The following ZBTB20 variants were observed in gnomAD, a reference collection of about 807,000 sequenced individuals.
ZBTB20 encodes the protein zinc finger and BTB domain-containing protein 20.
In ZBTB20, 9 loss-of-function variants were observed where a neutral mutation model predicts 56.9. That is an observed-to-expected ratio of 0.16 (90% CI 0.10 to 0.28). ZBTB20 has a LOEUF of 0.28. Ranked by LOEUF, ZBTB20 falls within the 10% of genes least tolerant of loss-of-function variation. The pLI is 1.00. For missense variants in ZBTB20, 655 were observed against 1,003.0 expected, an observed-to-expected ratio of 0.65 and a Z score of 4.69; for synonymous variants, 417 against 420.7, an observed-to-expected ratio of 0.99 and a Z score of 0.11.
At chr3:114,766,755 T>C (rs1003031545) in intron 5 of ZBTB20, among the ~76,000 whole-genome samples, 2 of 152,104 alleles carry the variant, frequency 1.3e-5, no homozygotes, top group Non-Finnish European at 2.9e-5. Flanking sequence ...AGAAGAAAGA[T>C]CTACTTGACT....
At chr3:115,110,350 T>C (rs1003441422) in intron 1 of ZBTB20, among the ~76,000 whole-genome samples, 1 of 152,168 alleles carries the variant, frequency 6.6e-6, no homozygotes, top group Admixed American at 6.5e-5. Flanking sequence ...TCAAAATAGG[T>C]AGAAATGGTA....
rs151216667 is a variant in ZBTB20, at chr3:114,820,748, G to T, written c.-416-19574C>A. ...CATCTATTGAGATATTGAGATACTT[G>T]ACTTTTTTTTAGTGCTGAAGAACAC... On this transcript the variant is annotated intron_variant, in intron 4 of 11. Coordinates refer to ENST00000675478, the MANE Select transcript of ZBTB20 (RefSeq NM_001348800.3). 3.4e-3 allele frequency among the ~76,000 whole-genome samples: 522 copies of T among 152,040 alleles called. 3 individuals carry two copies. The highest frequency in any genetic ancestry group is 0.012 in the African/African-American group (500 of 41,500).
chr3:114,443,152 A>C (rs1289354997), intron 7 of ZBTB20, among the ~76,000 whole-genome samples: 1 of 152,138 alleles, frequency 6.6e-6, no homozygotes, highest in African/African-American at 2.4e-5. Context: ...TTCAACACAG[A>C]TTCAGGTGCT....
At chr3:114,638,375 T>C (rs1413285356) in intron 6 of ZBTB20, among the ~76,000 whole-genome samples, 2 of 152,106 alleles carry the variant, frequency 1.3e-5, no homozygotes, top group African/African-American at 2.4e-5. Context: ...GACTTTATCA[T>C]ATACCAGGAA....
At chr3:115,035,468 T>C (rs2080874880) in intron 2 of ZBTB20, among the ~76,000 whole-genome samples, 1 of 151,960 alleles carries the variant, frequency 6.6e-6, no homozygotes, top group African/African-American at 2.4e-5. Context: ...ATGTTCAACA[T>C]GACTAATCAT....
chr3:114,742,215 G>A (rs955749812), intron 5 of ZBTB20, among the ~76,000 whole-genome samples: 4 of 152,066 alleles, frequency 2.6e-5, no homozygotes, highest in African/African-American at 9.7e-5. Flanking sequence ...GTGGGAAGGG[G>A]GAGGGCAGAG....
At chr3:114,844,558 A>G (rs145198907) in intron 4 of ZBTB20, among the ~76,000 whole-genome samples, 1 of 135,416 alleles carries the variant, frequency 7.4e-6, no homozygotes, top group East Asian at 2.2e-4. Context: ...AAAAACTTTC[A>G]TTTCTCTTGT....
chr3:114,338,909 C>A lies in ZBTB20; in HGVS notation c.*96G>T. 3 of 1,382,214 alleles carry A rather than the reference C, an allele frequency of 2.2e-6. No homozygotes were observed. Among genetic ancestry groups the A allele is most frequent in the East Asian group, 2.4e-5 (1 of 41,916 alleles). 85.6% of individuals were successfully genotyped at this position (1,382,214 alleles called of 1,614,324 possible). A position where few individuals can be genotyped will look rare whatever the true frequency, so the allele number is the denominator to read the frequency against. Reference sequence around the variant, plus strand: ...CAAAAACAGAAAGTAAAAATGAAACCAAAACATTTCTTAAATTCTAGTGCC... The same window carrying A: ...CAAAAACAGAAAGTAAAAATGAAACAAAAACATTTCTTAAATTCTAGTGCC... On this transcript the variant is annotated 3_prime_UTR_variant, in exon 12 of 12. Transcript: ENST00000675478.
At chr3:114,794,569 G>A (rs2071207228) in intron 5 of ZBTB20, among the ~76,000 whole-genome samples, 1 of 152,038 alleles carries the variant, frequency 6.6e-6, no homozygotes, top group South Asian at 2.1e-4. Context: ...AACATTTTCT[G>A]GTTCCAGGGT....
chr3:114,867,662 T>C (rs570512881), intron 4 of ZBTB20, among the ~76,000 whole-genome samples: 20 of 152,238 alleles, frequency 1.3e-4, no homozygotes, highest in African/African-American at 4.6e-4. Context: ...CTCAAACTCC[T>C]GGCCTCAAGT....
chr3:114,893,791 G>C (rs1476992876), intron 4 of ZBTB20, among the ~76,000 whole-genome samples: 1 of 152,146 alleles, frequency 6.6e-6, no homozygotes, highest in African/African-American at 2.4e-5. Context: ...AGCAGACTCT[G>C]GGCATGACTT....
chr3:114,350,076 C>T (rs906376265), intron 11 of ZBTB20, among the ~76,000 whole-genome samples, 198 bp downstream of exon 11: 2 of 152,060 alleles, frequency 1.3e-5, no homozygotes, highest in African/African-American at 4.8e-5. Flanking sequence ...GTTCCTGTGA[C>T]GGTGTCTCTT....
chr3:114,410,960 T>C (rs2087888359), intron 7 of ZBTB20, among the ~76,000 whole-genome samples: 1 of 152,074 alleles, frequency 6.6e-6, no homozygotes, highest in South Asian at 2.1e-4. Context: ...TAGGGAGTCA[T>C]CCAGGGACAC....
At chr3:115,011,106 A>T (rs1205973822) in intron 2 of ZBTB20, among the ~76,000 whole-genome samples, 1 of 151,880 alleles carries the variant, frequency 6.6e-6, no homozygotes, top group Non-Finnish European at 1.5e-5. Flanking sequence ...ATACAATCAG[A>T]TGAGACAAAA....
At chr3:114,438,233 T>C (rs2090653812) in intron 7 of ZBTB20, among the ~76,000 whole-genome samples, 1 of 152,076 alleles carries the variant, frequency 6.6e-6, no homozygotes, top group Non-Finnish European at 1.5e-5. Flanking sequence ...AGCTTGTTTT[T>C]AGCATACACG....
At chr3:114,403,972 A>G (rs1470624614) in intron 7 of ZBTB20, among the ~76,000 whole-genome samples, 2 of 152,172 alleles carry the variant, frequency 1.3e-5, no homozygotes, top group African/African-American at 4.8e-5. Context: ...GATTCTTTCC[A>G]GTAATAACAT....
chr3:115,024,265 G>A (rs1372262156), intron 2 of ZBTB20, among the ~76,000 whole-genome samples: 1 of 150,872 alleles, frequency 6.6e-6, no homozygotes, highest in Non-Finnish European at 1.5e-5. Context: ...CTATTTTCCA[G>A]GAACTATGGT....
chr3:114,511,368 G>A (rs999174954), intron 6 of ZBTB20, among the ~76,000 whole-genome samples: 11 of 151,960 alleles, frequency 7.2e-5, no homozygotes, highest in Non-Finnish European at 1.5e-4. Flanking sequence ...TATTTCCCTC[G>A]GTTCTACTAG....
chr3:114,350,244 T>G (rs1225283177), intron 11 of ZBTB20, 30 bp downstream of exon 11: 1 of 1,567,236 alleles, frequency 6.4e-7, no homozygotes, highest in Non-Finnish European at 8.7e-7. Context: ...CAGCCCCTGC[T>G]GCCAGGCCTC....
Sources: gnomAD v4.1 joint callset for allele counts (sites outside exome capture counted in the v4.1 genomes callset) on GRCh38, gnomAD v4.1.1 for gene constraint, MANE v1.5 for transcripts, NCBI Gene and HGNC (gene_info 2026-07-23, HGNC 2026-07-21) for gene names.